Variants in CDCA2 observed in about 807,000 individuals in gnomAD.
CDCA2 encodes the protein cell division cycle-associated protein 2.
CDCA2 carries 44 observed loss-of-function variants against 67.0 expected under a neutral mutation model. The ratio of observed to expected loss-of-function variants is 0.66; its 90% CI spans 0.52 to 0.84. The LOEUF (loss-of-function observed/expected upper bound fraction) is 0.84, where lower values mean the gene tolerates loss of function less well. Among genes scored for constraint, CDCA2 ranks in the 40% least tolerant of loss-of-function variants. The probability of loss-of-function intolerance (pLI) is 0.00; values close to 1 mark genes in which losing one functional copy is unlikely to be tolerated. For synonymous variants in CDCA2, 447 were observed against 418.7 expected (o/e 1.07, Z -0.82); for missense variants, 1,253 against 1,203.2 (o/e 1.04, Z -0.61).
At chr8:25,505,546 G>A (rs982858947) in intron 14 of CDCA2, among the ~76,000 whole-genome samples, 6 of 152,210 alleles carry the variant, frequency 3.9e-5, no homozygotes, top group African/African-American at 1.4e-4. Flanking sequence ...AACTAACATT[G>A]GTTGGCACTG....
At chr8:25,468,831 T>A (rs116548171) in intron 6 of CDCA2, among the ~76,000 whole-genome samples, 493 of 152,190 alleles carry the variant, frequency 3.2e-3, no homozygotes, top group African/African-American at 0.012. Flanking sequence ...AGATTCTGTG[T>A]GGGGTGTACT....
chr8:25,468,361 A>C lies in CDCA2; in HGVS notation c.683A>C (p.Asn228Thr). The change falls in exon 6 of 15, where the codon AAT (asparagine) becomes ACT (threonine). Residue 228 changes from asparagine to threonine, a missense_variant. By Grantham distance (65) the Asn-to-Thr change is moderately conservative. Transcript: ENST00000330560. ...AAAGTAATTGGTCTCCAGATATTCA[A>C]TATTGATACAGACAGAGCATGTGCA... ...EGKVIGLQIF[N>T]IDTDRACAVE... The C allele has an allele frequency of 6.2e-7, 1 of 1,613,874 alleles. No homozygotes were observed. The highest frequency in any genetic ancestry group is 8.5e-7 in the Non-Finnish European group (1 of 1,179,844).
chr8:25,481,339 T>TA (rs1803562956), intron 8 of CDCA2, among the ~76,000 whole-genome samples: 2 of 152,158 alleles, frequency 1.3e-5, no homozygotes, highest in Non-Finnish European at 2.9e-5. Context: ...ATGGAACTCT[T>TA]ACTTTCTAAC....
chr8:25,497,132 T>C (rs1225508156), intron 13 of CDCA2, among the ~76,000 whole-genome samples: 1 of 152,158 alleles, frequency 6.6e-6, no homozygotes, highest in African/African-American at 2.4e-5. Context: ...TCTAGTTGTT[T>C]ATGACACAGT....
At chr8:25,506,013 G>C (rs952646866) in intron 14 of CDCA2, among the ~76,000 whole-genome samples, 1 of 152,152 alleles carries the variant, frequency 6.6e-6, no homozygotes, top group African/African-American at 2.4e-5. Context: ...TTTTAACAAA[G>C]GGCATGAGAC....
chr8:25,477,867 C>T (rs1195062748), intron 7 of CDCA2, among the ~76,000 whole-genome samples: 1 of 151,914 alleles, frequency 6.6e-6, no homozygotes, highest in African/African-American at 2.4e-5. Flanking sequence ...ATGACACTCT[C>T]ATTCACCTCA....
chr8:25,472,663 C>T (rs911697285), intron 7 of CDCA2, among the ~76,000 whole-genome samples: 10 of 152,264 alleles, frequency 6.6e-5, no homozygotes, highest in African/African-American at 2.4e-4. Flanking sequence ...ATGTTTTCAA[C>T]AGATAATTTT....
chr8:25,507,104 G>T lies in CDCA2; in HGVS notation c.2438G>T (p.Arg813Ile). 1 of 1,614,198 alleles carries T rather than the reference G, an allele frequency of 6.2e-7. No homozygotes were observed. Among genetic ancestry groups the T allele is most frequent in the Non-Finnish European group, 8.5e-7 (1 of 1,180,032 alleles). The change falls in exon 15 of 15, where the codon AGA (arginine) becomes ATA (isoleucine). Residue 813 changes from arginine (R) to isoleucine (I), a missense_variant. Coordinates refer to ENST00000330560, the MANE Select transcript of CDCA2 (RefSeq NM_152562.4). ...ESKSQSEDLG[R>I]KPMESSSVVS... is the part of the protein sequence containing the mutation. Reference sequence around the variant, plus strand: ...AAAAGCCAGAGTGAGGATTTGGGAAGAAAACCCATGGAAAGTAGCAGTGTT... The same window carrying T: ...AAAAGCCAGAGTGAGGATTTGGGAATAAAACCCATGGAAAGTAGCAGTGTT...
At chr8:25,503,325 A>G (rs1554527890) in intron 13 of CDCA2, 48 bp from the exon 14 acceptor site, 11 of 1,421,014 alleles carry the variant, frequency 7.7e-6, no homozygotes, top group South Asian at 3.5e-5. Context: ...AAAATTTTAC[A>G]TGGTGCTACA....
chr8:25,483,408 A>C lies in CDCA2; in HGVS notation c.1042A>C (p.Asn348His). 1 of 1,603,294 alleles carries C rather than the reference A, an allele frequency of 6.2e-7. No homozygotes were observed. The highest frequency in any genetic ancestry group is 8.5e-7 in the Non-Finnish European group (1 of 1,174,724). Reference sequence around the variant, plus strand: ...TGTTTATTCTGTTTAGGAACACTGTAACAACCTCTATGATGATGATGGGAC... The same window carrying C: ...TGTTTATTCTGTTTAGGAACACTGTCACAACCTCTATGATGATGATGGGAC... ...MCLESLQEHC[N>H]NLYDDDGTHP... is the part of the protein sequence containing the mutation. Residue 348 changes from asparagine (N) to histidine (H), a missense_variant, in exon 9 of 15, where the codon AAC (asparagine) becomes CAC (histidine). By Grantham distance (68) the Asn-to-His change is moderately conservative. Transcript: ENST00000330560.
In CDCA2 at chr8:25,469,955, T is replaced by C. The variant is rs754679065; in HGVS notation, c.795T>C (p.Leu265=). The C allele has an allele frequency of 1.2e-6, 2 of 1,611,008 alleles. No homozygotes were observed. Among genetic ancestry groups the C allele is most frequent in the Non-Finnish European group, 8.5e-7 (1 of 1,178,010 alleles). ...SGFLVEESLP[L]SELTETSNAL... ...TTTTAGTTGAAGAGTCTCTTCCCCT[T>C]TCAGAGCTCACAGAGACTTCAAATG... The change falls in exon 7 of 15, where the codon CTT becomes CTC. Residue 265 remains leucine, a synonymous_variant. Coordinates refer to ENST00000330560, the MANE Select transcript of CDCA2 (RefSeq NM_152562.4).
chr8:25,488,598 CAGAAG>C lies in CDCA2; in HGVS notation c.1581_1585del (p.Glu528SerfsTer4). 6.2e-7 allele frequency: 1 copy of C among 1,612,832 alleles called. No homozygotes were observed. Among genetic ancestry groups the C allele is most frequent in the Admixed American group, 1.7e-5 (1 of 59,816 alleles). ...GAGAGTGTTTGCAACTTATTGAATACAGAAGTTCAGCCTTGTAAAGAAAAGAAAAT... is the reference window on the plus strand; with the variant it reads ...GAGAGTGTTTGCAACTTATTGAATACTTCAGCCTTGTAAAGAAAAGAAAAT... On this transcript the variant is annotated frameshift_variant, in exon 13 of 15. Transcript: ENST00000330560. LOFTEE classifies it high-confidence loss of function.
chr8:25,486,913 G>T (rs570880047), intron 11 of CDCA2, among the ~76,000 whole-genome samples: 13 of 152,138 alleles, frequency 8.5e-5, no homozygotes, highest in African/African-American at 3.1e-4. Flanking sequence ...CCTTTATTGC[G>T]ATTTCATTAT....
intron 4 of CDCA2, among the ~76,000 whole-genome samples, chr8:25,463,315 G>T (rs1252126653): frequency 6.6e-6 from 1 of 152,066 alleles, no homozygotes; most frequent in Non-Finnish European, 1.5e-5. Flanking sequence ...ATGACATTTT[G>T]TTCAGTGATG....
At chr8:25,493,154 A>G (rs1804078943) in intron 13 of CDCA2, among the ~76,000 whole-genome samples, 1 of 152,252 alleles carries the variant, frequency 6.6e-6, no homozygotes, top group African/African-American at 2.4e-5. Flanking sequence ...AAATTTAATG[A>G]AAAGAAATAG....
chr8:25,461,863 T>C (rs1361110296), intron 3 of CDCA2, among the ~76,000 whole-genome samples, 191 bp from the exon 4 acceptor site: 1 of 152,230 alleles, frequency 6.6e-6, no homozygotes, highest in Non-Finnish European at 1.5e-5. Context: ...GAGCATAGAC[T>C]AAGTCAGCAG....
At chr8:25,503,667 A>G (rs1361689813) in intron 14 of CDCA2, 123 bp downstream of exon 14, 5 of 901,698 alleles carry the variant, frequency 5.5e-6, no homozygotes, top group South Asian at 1.8e-5. Context: ...TTAAAAAGCA[A>G]TGTTTCCTCA....
chr8:25,489,515 C>G (rs1448105955), intron 13 of CDCA2, among the ~76,000 whole-genome samples: 1 of 152,180 alleles, frequency 6.6e-6, no homozygotes, highest in Non-Finnish European at 1.5e-5. Context: ...ACTGAGTTAT[C>G]CTCTCTTCCA....
chr8:25,500,954 A>AT (rs901283625), intron 13 of CDCA2, among the ~76,000 whole-genome samples: 12 of 151,972 alleles, frequency 7.9e-5, no homozygotes, highest in African/African-American at 2.9e-4. Context: ...ACCAGAGGCC[A>AT]TTTTTTTTAT....
Sources: gnomAD v4.1 joint callset for allele counts (sites outside exome capture counted in the v4.1 genomes callset) on GRCh38, gnomAD v4.1.1 for gene constraint, MANE v1.5 for transcripts, NCBI Gene and HGNC (gene_info 2026-07-23, HGNC 2026-07-21) for gene names.